Variants in PLEKHS1 observed in about 807,000 individuals in gnomAD.
The protein encoded by PLEKHS1 is pleckstrin homology domain-containing family S member 1.
Under a neutral mutation model 51.0 loss-of-function variants are expected in PLEKHS1, and 55 were observed. The observed-to-expected ratio is 1.08, with a 90% CI of 0.87 to 1.35. The LOEUF is 1.35. Among genes scored for constraint, PLEKHS1 ranks in the 40% most tolerant of loss-of-function variants. PLEKHS1 has a pLI of 0.00. For synonymous variants in PLEKHS1, 153 were observed against 144.8 expected (o/e 1.06, Z -0.41); for missense variants, 398 against 423.0 (o/e 0.94, Z 0.52).
chr10:113,755,254 G>A lies in PLEKHS1; in HGVS notation c.-19-5G>A, dbSNP rs890847946. ...GGGACTAACACTAACCCTTCCTTTT[G>A]ACAGGGGAGGACACACAGCCATCAT... is the stretch of plus-strand genomic sequence containing the variant. On this transcript the variant is annotated splice_polypyrimidine_tract_variant and splice_region_variant and intron_variant, in intron 1 of 11. Transcript: ENST00000361048. The A allele has an allele frequency of 3.7e-5, 59 of 1,604,594 alleles. No homozygotes were observed. Among genetic ancestry groups the A allele is most frequent in the Non-Finnish European group, 4.8e-5 (57 of 1,176,212 alleles).
At chr10:113,757,679 A>C (rs138968030) in intron 2 of PLEKHS1, among the ~76,000 whole-genome samples, 1 of 152,354 alleles carries the variant, frequency 6.6e-6, no homozygotes, top group African/African-American at 2.4e-5. Flanking sequence ...GAAGTTGACC[A>C]CATCGATTGA....
chr10:113,778,673 T>TC (rs1365591940), intron 11 of PLEKHS1, among the ~76,000 whole-genome samples: 1 of 135,520 alleles, frequency 7.4e-6, no homozygotes, highest in African/African-American at 2.6e-5. Flanking sequence ...AGACGGAGTC[T>TC]CGCTCTTTCG....
chr10:113,770,153 C>A (rs968969309), intron 7 of PLEKHS1, among the ~76,000 whole-genome samples: 3 of 152,144 alleles, frequency 2.0e-5, no homozygotes, highest in Admixed American at 6.5e-5. Context: ...TAGGGTAAGA[C>A]CCCTTTGCTA....
intron 9 of PLEKHS1, 77 bp from the exon 10 acceptor site, chr10:113,774,749 T>C: frequency 7.3e-7 from 1 of 1,369,576 alleles, no homozygotes; most frequent in Non-Finnish European, 1.0e-6. Flanking sequence ...TGTTAGCTAC[T>C]TAAATCTGAC....
At chr10:113,752,900 G>A (rs1853914437) in intron 1 of PLEKHS1, among the ~76,000 whole-genome samples, 1 of 152,192 alleles carries the variant, frequency 6.6e-6, no homozygotes, top group Non-Finnish European at 1.5e-5. Flanking sequence ...GTGGTGCTGT[G>A]TGGAGTTCTG....
intron 2 of PLEKHS1, among the ~76,000 whole-genome samples, chr10:113,758,314 C>G (rs1283732445): frequency 6.6e-6 from 1 of 152,184 alleles, no homozygotes; most frequent in East Asian, 1.9e-4. Context: ...CTAGGGGCTA[C>G]AGAATAGATG....
chr10:113,761,070 C>A (rs1383241062), intron 2 of PLEKHS1, among the ~76,000 whole-genome samples: 1 of 152,134 alleles, frequency 6.6e-6, no homozygotes, highest in African/African-American at 2.4e-5. Flanking sequence ...TGTTCTCTCC[C>A]CATTGAATGG....
At chr10:113,765,100 G>A (rs754054032) in intron 2 of PLEKHS1, 12 of 353,702 alleles carry the variant, frequency 3.4e-5, no homozygotes, top group Non-Finnish European at 5.6e-5. Context: ...CTTCCTCTTT[G>A]TATGCCTGGT....
At chr10:113,774,206 A>ATT in intron 8 of PLEKHS1, 21 bp from the exon 9 acceptor site, 1 of 1,446,860 alleles carries the variant, frequency 6.9e-7, no homozygotes, top group Non-Finnish European at 9.6e-7. Flanking sequence ...GGATTCTTAC[A>ATT]TCTATTCCTT....
intron 6 of PLEKHS1, among the ~76,000 whole-genome samples, chr10:113,769,505 A>G (rs1844303553): frequency 6.6e-6 from 1 of 152,218 alleles, no homozygotes. Context: ...AGCAAAGGGA[A>G]CTGGGGTGGA....
At chr10:113,777,952 T>C in intron 11 of PLEKHS1, 4 of 406,738 alleles carry the variant, frequency 9.8e-6, no homozygotes, top group South Asian at 2.5e-5. Context: ...ATTGCACCAC[T>C]GCACTCCAGC....
At chr10:113,752,519 T>C (rs1343351339) in intron 1 of PLEKHS1, among the ~76,000 whole-genome samples, 1 of 152,176 alleles carries the variant, frequency 6.6e-6, no homozygotes, top group Non-Finnish European at 1.5e-5. Context: ...TGAGGAGTGC[T>C]CATCAACAGG....
intron 11 of PLEKHS1, 33 bp from the exon 13 acceptor site, chr10:113,780,569 A>G (rs1474395840): frequency 1.3e-6 from 2 of 1,580,536 alleles, no homozygotes; most frequent in Admixed American, 3.3e-5. Context: ...GATAATCTTT[A>G]GCCATTTAAC....
At chr10:113,756,174 A>T (rs893185562) in intron 2 of PLEKHS1, among the ~76,000 whole-genome samples, 8 of 152,336 alleles carry the variant, frequency 5.3e-5, no homozygotes, top group Middle Eastern at 3.4e-3. Context: ...GGATATACAG[A>T]TTAATAAATA....
chr10:113,780,670 C>T, exon 12 of PLEKHS1: 1 of 1,613,806 alleles, frequency 6.2e-7, no homozygotes, highest in Non-Finnish European at 8.5e-7. Context: ...GTATGTGTCC[C>T]TCAAAATGCC....
chr10:113,769,938 G>T (rs772632432), intron 7 of PLEKHS1, 38 bp downstream of exon 7: 1 of 1,458,484 alleles, frequency 6.9e-7, no homozygotes, highest in Non-Finnish European at 9.6e-7. Flanking sequence ...CACCACACCT[G>T]GGAGGCAGCT....
In PLEKHS1 at chr10:113,766,981, T is replaced by A. The variant is rs563795841; in HGVS notation, c.224+263T>A. Among the ~76,000 whole-genome samples the A allele has an allele frequency of 6.6e-5, 10 of 152,336 alleles. No individual in the cohort carries two copies. The East Asian group carries it at 1.9e-3, about 29-fold the overall frequency. ...TAAGGAGTTTGATTCACATAATTTG[T>A]GGATGAGAGGGAGCAGATGAAATTG... On this transcript the variant is annotated intron_variant, in intron 4 of 11. Coordinates refer to ENST00000361048, the Ensembl canonical transcript of PLEKHS1.
intron 5 of PLEKHS1, 105 bp from the exon 6 acceptor site, chr10:113,768,710 G>A: frequency 1.2e-6 from 1 of 857,030 alleles, no homozygotes; most frequent in Non-Finnish European, 1.8e-6. Context: ...TATTTCGCTG[G>A]TACCTGCTCT....
At chr10:113,772,393 G>C (rs997276255) in intron 8 of PLEKHS1, among the ~76,000 whole-genome samples, 9 of 152,182 alleles carry the variant, frequency 5.9e-5, no homozygotes, top group Non-Finnish European at 1.2e-4. Flanking sequence ...GGCCATACAT[G>C]ATGAGTAAAA....
Sources: gnomAD v4.1 joint callset for allele counts (sites outside exome capture counted in the v4.1 genomes callset) on GRCh38, gnomAD v4.1.1 for gene constraint, MANE v1.5 for transcripts, NCBI Gene and HGNC (gene_info 2026-07-23, HGNC 2026-07-21) for gene names.